LRRK2: variants seen among roughly 807,000 people sequenced by gnomAD.
LRRK2 encodes the protein leucine-rich repeat serine/threonine-protein kinase 2.
In LRRK2, 203 loss-of-function variants were observed where a neutral mutation model predicts 302.6. The observed-to-expected ratio is 0.67, with a 90% CI of 0.60 to 0.75. The LOEUF is 0.75. Among genes scored for constraint, LRRK2 ranks in the 30% least tolerant of loss-of-function variants. LRRK2 has a pLI of 0.00. For synonymous variants in LRRK2, 1,066 were observed against 1,031.9 expected (o/e 1.03, Z -0.63); for missense variants, 2,830 against 2,951.0 (o/e 0.96, Z 0.95).
At position 40,288,769 on chromosome 12, in the gene LRRK2, G is replaced by A. The variant is rs184404737; in HGVS notation, c.2689+1230G>A. Reference sequence around the variant, plus strand: ...GTTGAAGTATTTTGCTTTTAATTGGGTTGTCTTATTATATAAGAGTTCTTT... The same window carrying A: ...GTTGAAGTATTTTGCTTTTAATTGGATTGTCTTATTATATAAGAGTTCTTT... On this transcript the variant is annotated intron_variant, in intron 20 of 50. Transcript: ENST00000298910. Among the ~76,000 whole-genome samples the A allele has an allele frequency of 2.0e-5, 3 of 151,858 alleles. No homozygotes were observed. In the East Asian group the frequency reaches 5.8e-4, roughly 29 times the overall value.
At chr12:40,334,507 G>A (rs1565759781) in intron 39 of LRRK2, among the ~76,000 whole-genome samples, 1 of 152,100 alleles carries the variant, frequency 6.6e-6, no homozygotes, top group Non-Finnish European at 1.5e-5. Flanking sequence ...TATGTTATCT[G>A]TATTATATAC....
At chr12:40,259,356 A>G in intron 12 of LRRK2, 124 bp from the exon 13 acceptor site, 2 of 1,224,128 alleles carry the variant, frequency 1.6e-6, no homozygotes, top group East Asian at 2.4e-5. Context: ...TTTCAAATGC[A>G]TTTTCATATA....
At position 40,308,538 on chromosome 12, in the gene LRRK2, G is replaced by A. The variant is rs948643149; in HGVS notation, c.4031G>A (p.Gly1344Glu). Residue 1344 changes from glycine (G) to glutamate (E), a missense_variant, in exon 29 of 51, where the codon GGG (glycine) becomes GAG (glutamate). Coordinates refer to ENST00000298910, the MANE Select transcript of LRRK2 (RefSeq NM_198578.4). The stretch of plus-strand genomic sequence containing the variant: ...AAACTTATGATTGTGGGAAATACTG[G>A]GAGTGGTAAAACCACCTTATTGCAG... Reference protein sequence around the residue: ...RMKLMIVGNTGSGKTTLLQQL... With the variant: ...RMKLMIVGNTESGKTTLLQQL... 2.5e-6 allele frequency: 4 copies of A among 1,613,816 alleles called. No homozygotes were observed. The highest frequency in any genetic ancestry group is 2.2e-5 in the East Asian group (1 of 44,862).
chr12:40,322,500 A>C lies in LRRK2; in HGVS notation c.5499A>C (p.Lys1833Asn). The C allele has an allele frequency of 6.2e-7, 1 of 1,612,990 alleles. No homozygotes were observed. Among genetic ancestry groups the C allele is most frequent in the Non-Finnish European group, 8.5e-7 (1 of 1,179,196 alleles). Residue 1833 changes from lysine (K) to asparagine (N), a missense_variant, in exon 37 of 51, where the codon AAA becomes AAC. Transcript: ENST00000298910. Reference protein sequence around the residue: ...QKILLDDLMKKAEEGDLLVNP... With the variant: ...QKILLDDLMKNAEEGDLLVNP... ...TCTTACTTGATGACTTGATGAAGAA[A>C]GCAGAGGAAGGTATGTTTTGATACA... is the stretch of plus-strand genomic sequence containing the variant.
chr12:40,251,685 A>G, intron 10 of LRRK2, 141 bp downstream of exon 10: 1 of 714,048 alleles, frequency 1.4e-6, no homozygotes, highest in Non-Finnish European at 2.4e-6. Context: ...GCAAAATAGT[A>G]GTAGGTATGT....
intron 8 of LRRK2, 49 bp downstream of exon 8, chr12:40,249,994 A>G: frequency 6.2e-7 from 1 of 1,604,776 alleles, no homozygotes; most frequent in Admixed American, 1.7e-5. Context: ...ATTTGACATC[A>G]AATATGAACA....
intron 33 of LRRK2, among the ~76,000 whole-genome samples, chr12:40,317,730 C>G (rs1162920690): frequency 3.3e-5 from 5 of 152,072 alleles, no homozygotes; most frequent in Non-Finnish European, 7.4e-5. Flanking sequence ...AATAAGGCAT[C>G]AGTTAGCTAT....
At chr12:40,285,607 G>A (rs897426239) in intron 19 of LRRK2, among the ~76,000 whole-genome samples, 1 of 151,840 alleles carries the variant, frequency 6.6e-6, no homozygotes, top group East Asian at 1.9e-4. Context: ...CATTCTCAAT[G>A]TGCACAAAAA....
rs1324680826 is a variant in LRRK2, at chr12:40,248,744, T to C, written c.839-1082T>C. Reference sequence around the variant, plus strand: ...CATAAGTCCAGTCTTCCTGCTGTTTTCTGAGTCACACAGTGATTCAGTGAC... The same window carrying C: ...CATAAGTCCAGTCTTCCTGCTGTTTCCTGAGTCACACAGTGATTCAGTGAC... On this transcript the variant is annotated intron_variant, in intron 7 of 50. Coordinates refer to ENST00000298910, the MANE Select transcript of LRRK2 (RefSeq NM_198578.4). Among the ~76,000 whole-genome samples, 4 of 152,354 alleles carry C rather than the reference T, an allele frequency of 2.6e-5. No homozygotes were observed. The East Asian group carries it at 7.7e-4, about 29-fold the overall frequency.
At chr12:40,235,220 C>T (rs1007383579) in intron 3 of LRRK2, among the ~76,000 whole-genome samples, 3 of 152,042 alleles carry the variant, frequency 2.0e-5, no homozygotes, top group African/African-American at 7.3e-5. Flanking sequence ...ACCTATAATC[C>T]CAGACTTTGG....
At chr12:40,338,181 G>A (rs997049466) in intron 40 of LRRK2, among the ~76,000 whole-genome samples, 2 of 152,090 alleles carry the variant, frequency 1.3e-5, no homozygotes, top group African/African-American at 4.8e-5. Flanking sequence ...CTAGCACGTG[G>A]TACTTACATA....
At chr12:40,321,805 T>C (rs1304672005) in intron 35 of LRRK2, among the ~76,000 whole-genome samples, 1 of 152,092 alleles carries the variant, frequency 6.6e-6, no homozygotes, top group African/African-American at 2.4e-5. Context: ...ATTAAACTGC[T>C]TAACAGCATC....
At chr12:40,305,679 G>A in intron 27 of LRRK2, 106 bp from the exon 28 acceptor site, 1 of 964,072 alleles carries the variant, frequency 1.0e-6, no homozygotes, top group Non-Finnish European at 1.7e-6. Flanking sequence ...GGTTGTGCAA[G>A]CTGCTGATGG....
At position 40,351,633 on chromosome 12, in the gene LRRK2, A is replaced by G. The variant is rs748496433; in HGVS notation, c.6476A>G (p.His2159Arg). The change falls in exon 44 of 51, where the codon CAT becomes CGT. Residue 2159 changes from histidine (H) to arginine (R), a missense_variant. Physicochemically the swap from His to Arg is conservative, Grantham distance 29 (BLOSUM62 0). Transcript: ENST00000298910. ...NVIVECMVATHHNSRNASIWL... is the reference protein window; with the variant it reads ...NVIVECMVATRHNSRNASIWL... ...ATTGTTGAATGCATGGTTGCTACAC[A>G]TCACAACAGCAGGAATGCAAGCATT... 2 of 1,614,246 alleles carry G rather than the reference A, an allele frequency of 1.2e-6. No homozygotes were observed. Among genetic ancestry groups the G allele is most frequent in the Non-Finnish European group, 1.7e-6 (2 of 1,180,042 alleles).
chr12:40,341,366 C>A (rs1377318456), intron 41 of LRRK2, among the ~76,000 whole-genome samples: 1 of 152,166 alleles, frequency 6.6e-6, no homozygotes, highest in Non-Finnish European at 1.5e-5. Flanking sequence ...TCGTTTCCTG[C>A]GCACTCAACT....
At chr12:40,312,884 A>C (rs2136840434) in intron 31 of LRRK2, 1 of 152,132 alleles carries the variant, frequency 6.6e-6, no homozygotes, top group Middle Eastern at 3.4e-3. Context: ...ATGAACGACT[A>C]AGAGAGGGAA....
At position 40,363,646 on chromosome 12, in the gene LRRK2, T is replaced by A. The variant is rs1050472311; in HGVS notation, c.7181+92T>A. On this transcript the variant is annotated intron_variant, in intron 48 of 50. Coordinates refer to ENST00000298910, the MANE Select transcript of LRRK2 (RefSeq NM_198578.4). Reference sequence around the variant, plus strand: ...AAGGATTTTTCTTCCTTTCTGCCTCTGAATAGAGAATTTTTTTAAAATGCA... The same window carrying A: ...AAGGATTTTTCTTCCTTTCTGCCTCAGAATAGAGAATTTTTTTAAAATGCA... The A allele has an allele frequency of 5.4e-5, 75 of 1,390,592 alleles. 1 individual carries two copies. The highest frequency in any genetic ancestry group is 7.1e-5 in the Non-Finnish European group (72 of 1,011,486). 86.1% of individuals were successfully genotyped at this position (1,390,592 alleles called of 1,614,324 possible). A position where few individuals can be genotyped will look rare whatever the true frequency, so the allele number is the denominator to read the frequency against.
chr12:40,300,711 GT>G (rs1944591256), intron 25 of LRRK2: 1 of 453,762 alleles, frequency 2.2e-6, no homozygotes, highest in African/African-American at 2.0e-5. Flanking sequence ...CTCGGTCTCT[GT>G]CCTTAAGGAA....
rs767556432 is a variant in LRRK2 at position 40,359,349 on chromosome 12, A to G, written c.6933A>G (p.Glu2311=). The G allele has an allele frequency of 1.2e-6, 2 of 1,613,392 alleles. No individual in the cohort carries two copies. The highest frequency in any genetic ancestry group is 3.3e-5 in the Admixed American group (2 of 59,962). ...MCLSESTNST[E]RNVMWGGCGT... Reference sequence around the variant, plus strand: ...TGAGTGAATCCACAAATTCAACGGAAAGAAATGTAATGTGGGGAGGATGTG... The same window carrying G: ...TGAGTGAATCCACAAATTCAACGGAGAGAAATGTAATGTGGGGAGGATGTG... Residue 2311 remains glutamate, a synonymous_variant, in exon 47 of 51, where the codon GAA becomes GAG. Transcript: ENST00000298910.
Sources: allele counts gnomAD v4.1 joint callset (sites outside exome capture counted in the v4.1 genomes callset), GRCh38; gene constraint gnomAD v4.1.1; transcripts MANE v1.5; gene names NCBI Gene and HGNC (gene_info 2026-07-23, HGNC 2026-07-21).